LRP1B: variants seen among roughly 807,000 people sequenced by gnomAD.
The protein encoded by LRP1B is LDL receptor related protein 1B, also known as low-density lipoprotein receptor-related protein 1B.
In LRP1B, 217 loss-of-function variants were observed where a neutral mutation model predicts 556.6. That is an observed-to-expected ratio of 0.39 (90% CI 0.35 to 0.44). The LOEUF (loss-of-function observed/expected upper bound fraction) is 0.44, where lower values mean the gene tolerates loss of function less well. LRP1B is among the 20% of genes least tolerant of loss of function. LRP1B has a pLI of 1.00. For missense variants in LRP1B, 5,053 were observed against 5,620.8 expected (o/e 0.90, Z 3.23); for synonymous variants, 2,047 against 1,865.8 (o/e 1.10, Z -2.50).
chr2:142,128,108 G>A lies in LRP1B; in HGVS notation c.82+2540C>T, dbSNP rs71417168. ...TATAAACTAATAAAATAAACAATAA[G>A]GAATTAAAAGACAAGTGCACGTATA... On this transcript the variant is annotated intron_variant, in intron 1 of 90. Transcript: ENST00000389484. Among the ~76,000 whole-genome samples, 557 of 152,096 alleles carry A rather than the reference G, an allele frequency of 3.7e-3. 2 individuals carry two copies. Among genetic ancestry groups the A allele is most frequent in the Non-Finnish European group, 6.2e-3 (420 of 67,920 alleles).
At chr2:141,670,044 C>T (rs114439242) in intron 2 of LRP1B, among the ~76,000 whole-genome samples, 6,092 of 152,266 alleles carry the variant, frequency 0.04, 168 homozygotes, top group South Asian at 0.085. Context: ...TGAGCCACTG[C>T]GCCCAGCCAT....
intron 32 of LRP1B, among the ~76,000 whole-genome samples, chr2:140,798,561 G>A (rs914468050): frequency 6.6e-6 from 1 of 152,134 alleles, no homozygotes; most frequent in African/African-American, 2.4e-5. Flanking sequence ...ATGAAGGTTA[G>A]AAGGGGTATT....
intron 3 of LRP1B, among the ~76,000 whole-genome samples, chr2:141,385,750 A>T (rs1689810339): frequency 6.6e-6 from 1 of 152,184 alleles, no homozygotes; most frequent in East Asian, 1.9e-4. Flanking sequence ...TCTAAAAAGG[A>T]ATACAGTGTA....
chr2:141,621,113 G>A (rs1158206169), intron 2 of LRP1B, among the ~76,000 whole-genome samples: 1 of 152,034 alleles, frequency 6.6e-6, no homozygotes, highest in Non-Finnish European at 1.5e-5. Flanking sequence ...ATACAGGCCT[G>A]GTGAGCTCCA....
intron 1 of LRP1B, among the ~76,000 whole-genome samples, chr2:141,887,967 T>C (rs1219166840): frequency 1.3e-5 from 2 of 152,318 alleles, no homozygotes; most frequent in East Asian, 3.9e-4. Flanking sequence ...AAACTAAAGA[T>C]GATTTCCCTC....
intron 41 of LRP1B, among the ~76,000 whole-genome samples, chr2:140,606,269 T>C (rs1682865465): frequency 6.6e-6 from 1 of 151,836 alleles, no homozygotes; most frequent in African/African-American, 2.4e-5. Context: ...ATTTATAATA[T>C]AATTTTAAAA....
intron 1 of LRP1B, among the ~76,000 whole-genome samples, chr2:141,939,542 T>C (rs1246553172): frequency 6.6e-6 from 1 of 152,112 alleles, no homozygotes; most frequent in Non-Finnish European, 1.5e-5. Context: ...TTATTAAACA[T>C]ACTAATTAAA....
chr2:141,592,494 C>A (rs1687376163), intron 2 of LRP1B, among the ~76,000 whole-genome samples: 1 of 152,112 alleles, frequency 6.6e-6, no homozygotes, highest in Non-Finnish European at 1.5e-5. Context: ...CTCCCTGTGA[C>A]CCCATATGAT....
At chr2:140,694,830 T>C (rs981751113) in intron 41 of LRP1B, among the ~76,000 whole-genome samples, 1 of 152,102 alleles carries the variant, frequency 6.6e-6, no homozygotes, top group Non-Finnish European at 1.5e-5. Flanking sequence ...ACTAGTACAA[T>C]ATAATTTTTA....
rs752914621 is a variant in LRP1B, at chr2:141,015,947, A to G, written c.1971-32T>C. 3 of 1,495,766 alleles carry G rather than the reference A, an allele frequency of 2.0e-6. No homozygotes were observed. The African/African-American group carries it at 4.1e-5, about 21-fold the overall frequency. 92.7% of individuals were successfully genotyped at this position (1,495,766 alleles called of 1,614,324 possible). ...CATTAAAAAAACAACAAAAATGCAT[A>G]CATGTTATTACAACCAGCCACAGTA... On this transcript the variant is annotated intron_variant, in intron 12 of 90. Transcript: ENST00000389484.
intron 3 of LRP1B, among the ~76,000 whole-genome samples, chr2:141,378,740 A>G (rs1057360118): frequency 1.3e-5 from 2 of 152,234 alleles, no homozygotes; most frequent in African/African-American, 2.4e-5. Flanking sequence ...AGAAGAAAGA[A>G]TAGCAGGTTT....
chr2:140,764,371 C>T (rs1048991874), intron 35 of LRP1B, among the ~76,000 whole-genome samples: 2 of 152,114 alleles, frequency 1.3e-5, no homozygotes, highest in African/African-American at 4.8e-5. Context: ...TGCACGACGG[C>T]ACAGTGGAAA....
chr2:140,857,240 C>T (rs1031596300), intron 27 of LRP1B, among the ~76,000 whole-genome samples: 1 of 152,040 alleles, frequency 6.6e-6, no homozygotes, highest in Non-Finnish European at 1.5e-5. Context: ...AGCAGAATGC[C>T]AGGATCCAAT....
intron 1 of LRP1B, among the ~76,000 whole-genome samples, chr2:142,082,180 A>G (rs560937140): frequency 6.6e-6 from 1 of 152,316 alleles, no homozygotes; most frequent in East Asian, 1.9e-4. Flanking sequence ...GAAGAAAATA[A>G]ATGAGATTAT....
At chr2:140,583,171 CT>C (rs1219194754) in intron 43 of LRP1B, among the ~76,000 whole-genome samples, 485 of 48,058 alleles carry the variant, frequency 0.01, 5 homozygotes, top group African/African-American at 0.027. Context: ...CCTTTTTTTT[CT>C]TTTTTTTTTT....
At chr2:141,569,336 A>T (rs140133551) in intron 2 of LRP1B, among the ~76,000 whole-genome samples, 2,011 of 150,830 alleles carry the variant, frequency 0.013, 72 homozygotes, top group African/African-American at 0.046. Flanking sequence ...CTAGAAATAT[A>T]AAAAAAAGGG....
At chr2:141,661,092 C>G (rs187898461) in intron 2 of LRP1B, among the ~76,000 whole-genome samples, 43 of 152,214 alleles carry the variant, frequency 2.8e-4, no homozygotes, top group African/African-American at 1.0e-3. Context: ...GAAGAGGGAC[C>G]TGACTGTTAA....
At chr2:141,816,424 C>T (rs1264611406) in intron 1 of LRP1B, among the ~76,000 whole-genome samples, 1 of 152,168 alleles carries the variant, frequency 6.6e-6, no homozygotes, top group Non-Finnish European at 1.5e-5. Context: ...TTCTCCTGTG[C>T]TAGATGCTTT....
chr2:141,115,844 C>A (rs1016298083), intron 7 of LRP1B, among the ~76,000 whole-genome samples: 2 of 151,942 alleles, frequency 1.3e-5, no homozygotes, highest in African/African-American at 2.4e-5. Context: ...CAGAAAAAAA[C>A]TAAAGAATTT....
Sources: allele counts gnomAD v4.1 joint callset (sites outside exome capture counted in the v4.1 genomes callset), GRCh38; gene constraint gnomAD v4.1.1; transcripts MANE v1.5; gene names NCBI Gene and HGNC (gene_info 2026-07-23, HGNC 2026-07-21).